The following OTOA variants were observed in gnomAD, a reference collection of about 807,000 sequenced individuals.
OTOA encodes the protein cancer/testis antigen 108.
In OTOA, 70 loss-of-function variants were observed where a neutral mutation model predicts 110.8. The ratio of observed to expected loss-of-function variants is 0.63; its 90% CI spans 0.52 to 0.77. OTOA has a LOEUF of 0.77. OTOA is among the 30% of genes least tolerant of loss of function. The pLI is 0.00. For missense variants in OTOA, 917 were observed against 1,075.8 expected (o/e 0.85, Z 2.06); for synonymous variants, 373 against 431.5 (o/e 0.86, Z 1.68).
intron 10 of OTOA, among the ~76,000 whole-genome samples, chr16:21,699,542 T>G (rs1048504499): frequency 2.0e-5 from 3 of 151,436 alleles, no homozygotes; most frequent in African/African-American, 7.3e-5. Context: ...GAGGCTGAGG[T>G]GGGAGGATCA....
At chr16:21,698,030 T>C (rs941761624) in intron 10 of OTOA, among the ~76,000 whole-genome samples, 155 bp downstream of exon 10, 1 of 152,074 alleles carries the variant, frequency 6.6e-6, no homozygotes, top group African/African-American at 2.4e-5. Context: ...AAGAAAACTA[T>C]TGGAAGAAAG....
At chr16:21,732,271 C>A (rs59490975) in intron 21 of OTOA, among the ~76,000 whole-genome samples, 21,500 of 152,186 alleles carry the variant, frequency 0.14, 2,074 homozygotes, top group South Asian at 0.28. Context: ...GGCCCTGATG[C>A]ACAAATGTTA....
chr16:21,691,278 G>A (rs547268145), intron 8 of OTOA, among the ~76,000 whole-genome samples: 121 of 152,172 alleles, frequency 8.0e-4, no homozygotes, highest in African/African-American at 2.9e-3. Context: ...ATAAACATAC[G>A]TGTGCATGTG....
At chr16:21,666,185 C>T (rs551602260) in intron 1 of OTOA, among the ~76,000 whole-genome samples, 8 of 151,318 alleles carry the variant, frequency 5.3e-5, no homozygotes, top group African/African-American at 1.9e-4. Context: ...TGTAATCAGG[C>T]TGGTATTCTA....
At chr16:21,757,901 A>C (rs1198020932) in intron 28 of OTOA, among the ~76,000 whole-genome samples, 1 of 152,142 alleles carries the variant, frequency 6.6e-6, no homozygotes, top group East Asian at 1.9e-4. Flanking sequence ...TACAGGCGCG[A>C]GCCACCAAGC....
intron 20 of OTOA, among the ~76,000 whole-genome samples, chr16:21,729,013 G>T (rs1266937805): frequency 6.6e-6 from 1 of 151,670 alleles, no homozygotes; most frequent in Non-Finnish European, 1.5e-5. Context: ...CAGATGCAAG[G>T]TAGTGGTATT....
chr16:21,710,449 C>A (rs547656935), intron 13 of OTOA, among the ~76,000 whole-genome samples: 1 of 152,250 alleles, frequency 6.6e-6, no homozygotes, highest in South Asian at 2.1e-4. Flanking sequence ...CCCTTAAAGG[C>A]CTCTTAAAGG....
intron 28 of OTOA, among the ~76,000 whole-genome samples, chr16:21,757,715 C>A (rs1452433499): frequency 6.6e-6 from 1 of 151,990 alleles, no homozygotes; most frequent in Non-Finnish European, 1.5e-5. Flanking sequence ...ACCTCCCAGG[C>A]TCAAGCGATC....
chr16:21,700,435 G>A (rs1374561771), intron 10 of OTOA, among the ~76,000 whole-genome samples: 2 of 152,058 alleles, frequency 1.3e-5, no homozygotes, highest in African/African-American at 4.8e-5. Context: ...AGAAATCAAT[G>A]ACAATGAGGC....
intron 1 of OTOA, among the ~76,000 whole-genome samples, chr16:21,670,722 A>G (rs1210249990): frequency 1.3e-5 from 2 of 152,230 alleles, no homozygotes; most frequent in African/African-American, 2.4e-5. Flanking sequence ...TTACACAAAC[A>G]TAAATATGTA....
At chr16:21,708,282 G>C (rs1207290245) in intron 12 of OTOA, among the ~76,000 whole-genome samples, 3 of 152,134 alleles carry the variant, frequency 2.0e-5, no homozygotes, top group Non-Finnish European at 1.5e-5. Context: ...TAGGTCCCTT[G>C]CATGCACAGT....
intron 23 of OTOA, among the ~76,000 whole-genome samples, chr16:21,743,998 G>A (rs1198637716): frequency 7.2e-6 from 1 of 137,984 alleles, no homozygotes; most frequent in Non-Finnish European, 1.6e-5. Context: ...AATGGTTAAA[G>A]CAAGCTAACA....
At position 21,728,372 on chromosome 16, in the gene OTOA, C is replaced by A. The variant is rs886044667; in HGVS notation, c.2148C>A (p.Cys716Ter). The A allele has an allele frequency of 6.2e-7, 1 of 1,614,136 alleles. No homozygotes were observed. The highest frequency in any genetic ancestry group is 8.5e-7 in the Non-Finnish European group (1 of 1,180,006). The change falls in exon 20 of 29, where the codon TGC becomes TGA. Residue 716 changes from cysteine to a stop codon, truncating the protein, a stop_gained. Coordinates refer to ENST00000646100, the MANE Select transcript of OTOA (RefSeq NM_144672.4). LOFTEE classifies it high-confidence loss of function. ...WATALHGLRD[C>*]PDLNPEQKAA... ...CTGCTCTACACGGCCTCAGAGACTG[C>A]CCAGACCTCAACCCTGAGCAAAAGG...
chr16:21,718,913 T>C lies in OTOA; in HGVS notation c.1630-220T>C, dbSNP rs1188207802. Among the ~76,000 whole-genome samples, 2 of 152,176 alleles carry C rather than the reference T, an allele frequency of 1.3e-5. 1 individual carries two copies. Among genetic ancestry groups the C allele is most frequent in the Non-Finnish European group, 2.9e-5 (2 of 68,030 alleles). ...GCCTCATGGGGTGTAGAGAATCATC[T>C]GGAGTGTGAGAGTGGGGCTCTGGAA... On this transcript the variant is annotated intron_variant, in intron 15 of 28. Transcript: ENST00000646100.
At chr16:21,666,266 G>GA (rs1966840195) in intron 1 of OTOA, among the ~76,000 whole-genome samples, 1 of 117,878 alleles carries the variant, frequency 8.5e-6, no homozygotes, top group Non-Finnish European at 1.6e-5. Context: ...TTTTTTGGTG[G>GA]AAAATCTCCC....
chr16:21,713,449 A>C, intron 13 of OTOA, among the ~76,000 whole-genome samples: 1 of 152,144 alleles, frequency 6.6e-6, no homozygotes, highest in East Asian at 1.9e-4. Flanking sequence ...TGCTTCCTCC[A>C]TCGCGGGGCC....
intron 9 of OTOA, among the ~76,000 whole-genome samples, chr16:21,692,954 GA>G (rs1897862717): frequency 7.0e-6 from 1 of 142,050 alleles, no homozygotes; most frequent in Admixed American, 7.1e-5. Flanking sequence ...AAGAAAGAAA[GA>G]AAAGAAAAGA....
At chr16:21,693,892 G>A (rs1897882257) in intron 9 of OTOA, among the ~76,000 whole-genome samples, 1 of 152,000 alleles carries the variant, frequency 6.6e-6, no homozygotes, top group Non-Finnish European at 1.5e-5. Context: ...GATATTACAG[G>A]TACTTTAGAC....
At chr16:21,726,502 G>T in intron 18 of OTOA, 21 bp from the exon 19 acceptor site, 2 of 1,612,900 alleles carry the variant, frequency 1.2e-6, no homozygotes, top group Non-Finnish European at 1.7e-6. Context: ...TCCTCCTCTT[G>T]TTCTCCCCAT....
Sources: allele counts gnomAD v4.1 joint callset (sites outside exome capture counted in the v4.1 genomes callset), GRCh38; gene constraint gnomAD v4.1.1; transcripts MANE v1.5; gene names NCBI Gene and HGNC (gene_info 2026-07-23, HGNC 2026-07-21).